CCNB1: variants seen among roughly 807,000 people sequenced by gnomAD.
The protein encoded by CCNB1 is G2/mitotic-specific cyclin-B1.
Under a neutral mutation model 44.4 loss-of-function variants are expected in CCNB1, and 26 were observed. The observed-to-expected ratio is 0.59, with a 90% CI of 0.43 to 0.81. The LOEUF (loss-of-function observed/expected upper bound fraction) is 0.81, where lower values mean the gene tolerates loss of function less well. CCNB1 is among the 40% of genes least tolerant of loss of function. CCNB1 has a pLI of 0.00. For synonymous variants in CCNB1, 195 were observed against 181.4 expected (o/e 1.08, Z -0.60); for missense variants, 477 against 520.9 (o/e 0.92, Z 0.82).
In CCNB1 at chr5:69,167,180, C is replaced by G. The variant is rs1747350076; in HGVS notation, c.-83C>G. ...GCTGCGGCGGAACGGCTGTTGGTTT[C>G]TGCTGGGTGTAGGTCCTTGGCTGGT... On this transcript the variant is annotated 5_prime_UTR_variant, in exon 1 of 9. Transcript: ENST00000256442. 3.2e-6 allele frequency: 4 copies of G among 1,233,852 alleles called. No individual in the cohort carries two copies. Among genetic ancestry groups the G allele is most frequent in the Non-Finnish European group, 4.5e-6 (4 of 896,138 alleles). 76.4% of individuals were successfully genotyped at this position (1,233,852 alleles called of 1,614,324 possible).
At chr5:69,173,781 T>G (rs149979154) in intron 4 of CCNB1, among the ~76,000 whole-genome samples, 400 of 152,062 alleles carry the variant, frequency 2.6e-3, no homozygotes, top group East Asian at 3.3e-3. Context: ...CTTTTTTTTT[T>G]GGGGTGGGGA....
rs576299921 is a variant in CCNB1 at position 69,172,185 on chromosome 5, C to A, written c.546+733C>A. Among the ~76,000 whole-genome samples the A allele has an allele frequency of 7.1e-4, 107 of 151,344 alleles. 1 individual carries two copies. The Middle Eastern group carries it at 0.01, about 14-fold the overall frequency. Reference sequence around the variant, plus strand: ...CTCTGTCTCCTGGGTTCAAGCAATTCTCCTGCCTCGGCCTCCCAAGTAGTT... The same window carrying A: ...CTCTGTCTCCTGGGTTCAAGCAATTATCCTGCCTCGGCCTCCCAAGTAGTT... On this transcript the variant is annotated intron_variant, in intron 4 of 8. Coordinates refer to ENST00000256442, the MANE Select transcript of CCNB1 (RefSeq NM_031966.4).
Position 69,168,105 on chromosome 5 carries a change from G to A in CCNB1, c.192+27G>A, listed in dbSNP as rs764944388. The A allele has an allele frequency of 2.5e-6, 4 of 1,611,476 alleles. No individual in the cohort carries two copies. In the African/African-American group the frequency reaches 4.0e-5, roughly 16 times the overall value. On this transcript the variant is annotated intron_variant, in intron 2 of 8. Coordinates refer to ENST00000256442, the MANE Select transcript of CCNB1 (RefSeq NM_031966.4). ...TAACTCTCTTCCTGACCTAACTTCT[G>A]TAAGAGCCCGCCTTCCAACTGTGGC...
intron 5 of CCNB1, 91 bp downstream of exon 5, chr5:69,174,500 A>G (rs991946041): frequency 8.3e-7 from 1 of 1,207,344 alleles, no homozygotes; most frequent in African/African-American, 1.5e-5. Context: ...GCAGTGGCTC[A>G]TGCCTGTAAT....
intron 3 of CCNB1, among the ~76,000 whole-genome samples, chr5:69,170,076 G>T (rs1222516631): frequency 6.6e-6 from 1 of 151,886 alleles, no homozygotes; most frequent in Non-Finnish European, 1.5e-5. Context: ...CAATTCTCTT[G>T]CCTCAGCCTC....
intron 5 of CCNB1, 132 bp downstream of exon 5, chr5:69,174,541 AG>A (rs8192270): frequency 0.13 from 109,506 of 824,462 alleles, 8,093 homozygotes; most frequent in African/African-American, 0.25. Flanking sequence ...CAAGGTTAGG[AG>A]ATCGAGACCA....
intron 7 of CCNB1, among the ~76,000 whole-genome samples, chr5:69,175,949 T>C (rs188459284): frequency 2.2e-3 from 325 of 146,612 alleles, no homozygotes; most frequent in African/African-American, 7.7e-3. Context: ...CTGGGCAACA[T>C]AGCAAATCCT....
chr5:69,170,957 CT>C (rs920138688), intron 3 of CCNB1, among the ~76,000 whole-genome samples: 21 of 151,958 alleles, frequency 1.4e-4, no homozygotes, highest in Admixed American at 5.9e-4. Flanking sequence ...TCACTTTTTT[CT>C]TTTTTAACAG....
chr5:69,167,768 C>G (rs1747367515), intron 1 of CCNB1, 140 bp from the exon 2 acceptor site: 2 of 705,652 alleles, frequency 2.8e-6, no homozygotes, highest in African/African-American at 1.8e-5. Flanking sequence ...AGAGTAGACT[C>G]TGGGACCCAT....
chr5:69,175,281 T>C (rs1747559231), intron 6 of CCNB1, 116 bp from the exon 7 acceptor site: 2 of 1,082,558 alleles, frequency 1.8e-6, no homozygotes, highest in East Asian at 4.7e-5. Flanking sequence ...GGACTTTCCA[T>C]GGGCATTTGA....
chr5:69,168,489 C>A, intron 3 of CCNB1, 146 bp downstream of exon 3: 1 of 860,120 alleles, frequency 1.2e-6, no homozygotes, highest in Non-Finnish European at 1.9e-6. Context: ...TAACATTTTA[C>A]ATGCATTAAC....
chr5:69,173,966 G>T (rs389938), intron 4 of CCNB1, among the ~76,000 whole-genome samples: 65,518 of 151,500 alleles, frequency 0.43, 14,156 homozygotes, highest in South Asian at 0.55. Flanking sequence ...GACAGGTTTT[G>T]CCATGTTGGC....
intron 3 of CCNB1, among the ~76,000 whole-genome samples, chr5:69,169,841 G>A (rs1324413346): frequency 1.3e-5 from 2 of 152,018 alleles, no homozygotes; most frequent in East Asian, 3.9e-4. Flanking sequence ...TAGTAGAGAC[G>A]GGGTTTCACT....
chr5:69,175,668 A>T (rs887692212), intron 7 of CCNB1, 131 bp downstream of exon 7: 2 of 859,250 alleles, frequency 2.3e-6, no homozygotes, highest in Admixed American at 2.8e-5. Context: ...GTTAAAAAAG[A>T]TGTCTTAGAA....
At chr5:69,175,246 C>G in intron 6 of CCNB1, 133 bp downstream of exon 6, 2 of 1,032,270 alleles carry the variant, frequency 1.9e-6, no homozygotes, top group Non-Finnish European at 1.4e-6. Context: ...TTCTTTATTT[C>G]TAGTCAGGCT....
chr5:69,175,579 AAG>A (rs780287617), intron 7 of CCNB1, 42 bp downstream of exon 7: 7 of 1,585,244 alleles, frequency 4.4e-6, no homozygotes, highest in Admixed American at 1.8e-5. Flanking sequence ...TTAAATTTTA[AAG>A]AGTGACTAAA....
At chr5:69,177,402 TTAATGCCTGC>T in intron 8 of CCNB1, 53 bp downstream of exon 8, 2 of 1,322,256 alleles carry the variant, frequency 1.5e-6, no homozygotes, top group Non-Finnish European at 2.2e-6. Context: ...TAATTCAAAC[TTAATGCCTGC>T]AAATGCCTGG....
Position 69,171,274 on chromosome 5 carries a change from A to G in CCNB1, c.368A>G (p.Asp123Gly). 6.2e-7 allele frequency: 1 copy of G among 1,606,514 alleles called. No homozygotes were observed. Among genetic ancestry groups the G allele is most frequent in the Non-Finnish European group, 8.5e-7 (1 of 1,177,702 alleles). Residue 123 changes from aspartate (D) to glycine (G), a missense_variant, in exon 4 of 9, where the codon GAT becomes GGT. By Grantham distance (94) the Asp-to-Gly change is moderately conservative. Transcript: ENST00000256442. ...AAGATATCTCTTTGTTTCAAGGTTG[A>G]TACTGCCTCTCCAAGCCCAATGGAA... ...EKLSPEPILVDTASPSPMETS... is the reference protein window; with the variant it reads ...EKLSPEPILVGTASPSPMETS...
rs150496399 is a variant in CCNB1 at position 69,175,053 on chromosome 5, C to T, written c.882C>T (p.Asn294=). Residue 294 remains asparagine (N), a synonymous_variant, in exon 6 of 9, where the codon AAC becomes AAT. Transcript: ENST00000256442. The stretch of plus-strand genomic sequence containing the variant: ...AAATGAAGATTCTAAGAGCTTTAAA[C>T]TTTGGTCTGGGTCGGCCTCTACCTT... ...QMEMKILRAL[N]FGLGRPLPLH... is the part of the protein sequence containing the mutation. The T allele has an allele frequency of 1.9e-5, 31 of 1,614,176 alleles. No homozygotes were observed. In the African/African-American group the frequency reaches 4.1e-4, roughly 22 times the overall value.
Sources: gnomAD v4.1 joint callset for allele counts (sites outside exome capture counted in the v4.1 genomes callset) on GRCh38, gnomAD v4.1.1 for gene constraint, MANE v1.5 for transcripts, NCBI Gene and HGNC (gene_info 2026-07-23, HGNC 2026-07-21) for gene names.